Variants in LRFN5 observed in about 807,000 individuals in gnomAD.
LRFN5 encodes the protein leucine rich repeat and fibronectin type III domain containing 5.
A neutral mutation model predicts 45.6 loss-of-function variants in LRFN5; 24 were observed. The observed-to-expected ratio is 0.53, with a 90% CI of 0.38 to 0.74. The LOEUF (loss-of-function observed/expected upper bound fraction) is 0.74, where lower values mean the gene tolerates loss of function less well. Ranked by LOEUF, LRFN5 falls within the 30% of genes least tolerant of loss-of-function variation. LRFN5 has a pLI of 0.00. For synonymous variants in LRFN5, 340 were observed against 313.8 expected, an observed-to-expected ratio of 1.08 and a Z score of -0.88; for missense variants, 776 against 861.5, an observed-to-expected ratio of 0.90 and a Z score of 1.24.
rs202198570 is a variant in LRFN5, at chr14:41,719,479, G to A, written c.-196-47375G>A. 1.6e-4 allele frequency among the ~76,000 whole-genome samples: 24 copies of A among 151,980 alleles called. 2 individuals are homozygous for A. The East Asian group carries it at 4.5e-3, about 28-fold the overall frequency. On this transcript the variant is annotated intron_variant, in intron 1 of 5. Transcript: ENST00000298119. ...TTGTTGAAATTATCCTATTGTAATA[G>A]TTATTATTGCAAGTCACCCACATAG...
At chr14:41,705,769 C>T (rs1214799375) in intron 1 of LRFN5, among the ~76,000 whole-genome samples, 2 of 152,190 alleles carry the variant, frequency 1.3e-5, no homozygotes, top group African/African-American at 2.4e-5. Flanking sequence ...TTATAGTAAA[C>T]GATCTTTATA....
At chr14:41,805,841 T>G (rs547633242) in intron 2 of LRFN5, among the ~76,000 whole-genome samples, 1 of 152,110 alleles carries the variant, frequency 6.6e-6, no homozygotes, top group South Asian at 2.1e-4. Context: ...CTCAGAGTGG[T>G]TTTCTTTTTG....
At chr14:41,849,038 T>G (rs1163605622) in intron 2 of LRFN5, among the ~76,000 whole-genome samples, 1 of 152,030 alleles carries the variant, frequency 6.6e-6, no homozygotes, top group Non-Finnish European at 1.5e-5. Flanking sequence ...AACTCACATA[T>G]GTTTGACACA....
intron 1 of LRFN5, among the ~76,000 whole-genome samples, chr14:41,652,612 C>A (rs965108971): frequency 1.3e-5 from 2 of 151,710 alleles, no homozygotes; most frequent in African/African-American, 2.4e-5. Flanking sequence ...CCAGGGAAAA[C>A]CTCCTTCAGC....
chr14:41,711,212 G>A (rs1443879657), intron 1 of LRFN5, among the ~76,000 whole-genome samples: 2 of 152,058 alleles, frequency 1.3e-5, no homozygotes, highest in African/African-American at 2.4e-5. Context: ...ATACGCACAC[G>A]CATGCACACA....
intron 2 of LRFN5, among the ~76,000 whole-genome samples, chr14:41,828,329 C>A (rs188515373): frequency 1.2e-4 from 18 of 152,010 alleles, no homozygotes; most frequent in African/African-American, 3.9e-4. Flanking sequence ...ATTTGAAATT[C>A]AAACAAATCA....
chr14:41,751,625 T>A (rs956392953), intron 1 of LRFN5, among the ~76,000 whole-genome samples: 1 of 152,080 alleles, frequency 6.6e-6, no homozygotes, highest in Non-Finnish European at 1.5e-5. Context: ...ACTCTGAGGA[T>A]GCAGAGAAGT....
At chr14:41,825,601 T>A (rs1444416776) in intron 2 of LRFN5, among the ~76,000 whole-genome samples, 1 of 152,240 alleles carries the variant, frequency 6.6e-6, no homozygotes, top group East Asian at 1.9e-4. Flanking sequence ...TGGCCCTTTG[T>A]GGCCGCTGTA....
intron 1 of LRFN5, among the ~76,000 whole-genome samples, chr14:41,614,841 A>T (rs1375208760): frequency 1.3e-5 from 2 of 152,058 alleles, no homozygotes; most frequent in African/African-American, 2.4e-5. Flanking sequence ...TATCACCATC[A>T]CCATGATCAT....
rs778259756 is a variant in LRFN5, at chr14:41,748,795, T to C, written c.-196-18059T>C. ...CTAGAATTTCATATGTGACACATAA[T>C]TTCATTTGCATTTAAAGGTAATCAT... is the stretch of plus-strand genomic sequence containing the variant. On this transcript the variant is annotated intron_variant, in intron 1 of 5. Coordinates refer to ENST00000298119, the MANE Select transcript of LRFN5 (RefSeq NM_152447.5). Among the ~76,000 whole-genome samples, 16 of 152,058 alleles carry C rather than the reference T, an allele frequency of 1.1e-4. 1 individual carries two copies. The highest frequency in any genetic ancestry group is 2.1e-4 in the South Asian group (1 of 4,834).
chr14:41,757,751 T>C (rs1202704744), intron 1 of LRFN5, among the ~76,000 whole-genome samples: 1 of 152,186 alleles, frequency 6.6e-6, no homozygotes, highest in Admixed American at 6.5e-5. Context: ...CTCGGTGCGC[T>C]GCACCCACTG....
chr14:41,834,256 A>C (rs1214963731), intron 2 of LRFN5, among the ~76,000 whole-genome samples: 2 of 152,172 alleles, frequency 1.3e-5, no homozygotes, highest in Non-Finnish European at 2.9e-5. Flanking sequence ...AAAATCTTAA[A>C]TATCTTTTGC....
intron 2 of LRFN5, among the ~76,000 whole-genome samples, chr14:41,861,881 G>T (rs1044578703): frequency 6.6e-6 from 1 of 152,120 alleles, no homozygotes; most frequent in African/African-American, 2.4e-5. Flanking sequence ...TATTGATGTG[G>T]TTTGGCTCTG....
Position 41,650,154 on chromosome 14 carries a change from G to T in LRFN5, c.-197+41592G>T, listed in dbSNP as rs142247455. ...TCACACCTGTAATCCCAGCACTTTG[G>T]GAGGCTGAGGTGATAGATTACTTGA... On this transcript the variant is annotated intron_variant, in intron 1 of 5. Transcript: ENST00000298119. Among the ~76,000 whole-genome samples, 865 of 151,390 alleles carry T rather than the reference G, an allele frequency of 5.7e-3. 8 individuals carry two copies. The highest frequency in any genetic ancestry group is 0.02 in the African/African-American group (835 of 41,202).
chr14:41,619,226 C>A (rs1232257158), intron 1 of LRFN5, among the ~76,000 whole-genome samples: 1 of 151,998 alleles, frequency 6.6e-6, no homozygotes, highest in East Asian at 1.9e-4. Context: ...ATCGATATTG[C>A]ACAATTACTT....
At chr14:41,718,194 C>G (rs1280129402) in intron 1 of LRFN5, among the ~76,000 whole-genome samples, 1 of 152,168 alleles carries the variant, frequency 6.6e-6, no homozygotes, top group Admixed American at 6.5e-5. Flanking sequence ...CTTGACATCT[C>G]TAAGCCTTAG....
In LRFN5 at chr14:41,635,306, A is replaced by G. The variant is rs1040018540; in HGVS notation, c.-197+26744A>G. 2.6e-5 allele frequency among the ~76,000 whole-genome samples: 4 copies of G among 152,294 alleles called. 1 individual carries two copies. In the Middle Eastern group the frequency reaches 0.01, roughly 389 times the overall value. ...CCTTAAAATGTCTTAGTTTGAATAC[A>G]TTATTTTTAAAAACATAAATAAGAT... is the stretch of plus-strand genomic sequence containing the variant. On this transcript the variant is annotated intron_variant, in intron 1 of 5. Coordinates refer to ENST00000298119, the MANE Select transcript of LRFN5 (RefSeq NM_152447.5).
intron 1 of LRFN5, among the ~76,000 whole-genome samples, chr14:41,610,658 A>G (rs1456116446): frequency 5.0e-5 from 7 of 139,150 alleles, no homozygotes; most frequent in Admixed American, 4.4e-4. Context: ...GTCCCAGGGA[A>G]GGTAAAAAAA....
Position 41,658,675 on chromosome 14 carries a change from A to G in LRFN5, c.-197+50113A>G, listed in dbSNP as rs117676625. Among the ~76,000 whole-genome samples, 1,384 of 152,084 alleles carry G rather than the reference A, an allele frequency of 9.1e-3. 6 individuals are homozygous for G. Among genetic ancestry groups the G allele is most frequent in the East Asian group, 0.014 (74 of 5,170 alleles). ...TTACATCTACTTTGAAATTTTTAGCATATTTTCCCAAATACCTTAATGTCA... is the reference window on the plus strand; with the variant it reads ...TTACATCTACTTTGAAATTTTTAGCGTATTTTCCCAAATACCTTAATGTCA... On this transcript the variant is annotated intron_variant, in intron 1 of 5. Transcript: ENST00000298119.
Sources: allele counts gnomAD v4.1 joint callset (sites outside exome capture counted in the v4.1 genomes callset), GRCh38; gene constraint gnomAD v4.1.1; transcripts MANE v1.5; gene names NCBI Gene and HGNC (gene_info 2026-07-23, HGNC 2026-07-21).